Variants in EIF4EBP2 observed in about 807,000 individuals in gnomAD.
The protein encoded by EIF4EBP2 is eukaryotic translation initiation factor 4E-binding protein 2.
EIF4EBP2 carries 5 observed loss-of-function variants against 10.3 expected under a neutral mutation model. The observed-to-expected ratio is 0.48, with a 90% confidence interval of 0.25 to 1.02. The LOEUF is 1.02. EIF4EBP2 is among the 50% of genes least tolerant of loss of function. The pLI is 0.15. For missense variants in EIF4EBP2, 188 were observed against 162.2 expected, an observed-to-expected ratio of 1.16 and a Z score of -0.86; for synonymous variants, 67 against 61.1, an observed-to-expected ratio of 1.10 and a Z score of -0.45.
In EIF4EBP2 at chr10:70,410,970, G is replaced by A. The variant is rs765357164; in HGVS notation, c.145+6424G>A. The stretch of plus-strand genomic sequence containing the variant: ...TGGTCCCTGCTGCCCTAGCAGTGTT[G>A]GTTTGTATGTATGTATTTATAAGAT... On this transcript the variant is annotated intron_variant, in intron 1 of 2. Transcript: ENST00000373218. 3.9e-5 allele frequency among the ~76,000 whole-genome samples: 6 copies of A among 152,028 alleles called. No individual in the cohort carries two copies. In the South Asian group the frequency reaches 6.2e-4, roughly 16 times the overall value.
Position 70,418,802 on chromosome 10 carries a change from C to T in EIF4EBP2, c.146-1112C>T, listed in dbSNP as rs116353615. Among the ~76,000 whole-genome samples the T allele has an allele frequency of 4.2e-3, 643 of 152,202 alleles. 5 individuals are homozygous for T. The highest frequency in any genetic ancestry group is 0.014 in the African/African-American group (590 of 41,526). On this transcript the variant is annotated intron_variant, in intron 1 of 2. Coordinates refer to ENST00000373218, the MANE Select transcript of EIF4EBP2 (RefSeq NM_004096.5). ...AGGTTGAAGGTAAGTTTCTACTTTCCTTGTCCTAAAATTATATTTGATTTA... is the reference window on the plus strand; with the variant it reads ...AGGTTGAAGGTAAGTTTCTACTTTCTTTGTCCTAAAATTATATTTGATTTA...
intron 1 of EIF4EBP2, among the ~76,000 whole-genome samples, chr10:70,409,288 A>G (rs1845016908): frequency 6.6e-6 from 1 of 152,200 alleles, no homozygotes; most frequent in African/African-American, 2.4e-5. Flanking sequence ...CAGGCCAAAA[A>G]AAAAGCTCTT....
chr10:70,427,788 G>A lies in EIF4EBP2; in HGVS notation c.*6041G>A, dbSNP rs894930885. 1 of 152,070 alleles carries A rather than the reference G, an allele frequency of 6.6e-6. No homozygotes were observed. The highest frequency in any genetic ancestry group is 2.4e-5 in the African/African-American group (1 of 41,396). 9.4% of individuals were successfully genotyped at this position (152,070 alleles called of 1,614,324 possible). On this transcript the variant is annotated 3_prime_UTR_variant, in exon 3 of 3. Transcript: ENST00000373218. ...CTCTGCCACCTTTCTAAGGGTGGGA[G>A]GCTGGCAGAGATGCTGCAATGCTTG...
At chr10:70,414,517 C>T (rs1349605436) in intron 1 of EIF4EBP2, among the ~76,000 whole-genome samples, 1 of 152,126 alleles carries the variant, frequency 6.6e-6, no homozygotes, top group East Asian at 1.9e-4. Flanking sequence ...ATTAAAAAAA[C>T]TATTAGAAAT....
Position 70,425,990 on chromosome 10 carries a change from G to C in EIF4EBP2, c.*4243G>C, listed in dbSNP as rs1159347848. The C allele has an allele frequency of 6.6e-6, 1 of 152,182 alleles. No individual in the cohort carries two copies. The highest frequency in any genetic ancestry group is 2.4e-5 in the African/African-American group (1 of 41,438). The allele number at this position is 152,182 out of a possible 1,614,324, so 9.4% of individuals were successfully genotyped here. On this transcript the variant is annotated 3_prime_UTR_variant, in exon 3 of 3. Transcript: ENST00000373218. ...GGAAGCAACCACTCAATAAAATAGA[G>C]AACATCTGAGAATTACAAATGTCTA...
chr10:70,421,625 T>G (rs1845158081), intron 2 of EIF4EBP2, 91 bp from the exon 3 acceptor site: 6 of 1,176,192 alleles, frequency 5.1e-6, no homozygotes, highest in Admixed American at 3.7e-5. Flanking sequence ...TTTGAATTAC[T>G]TTTTGTCTCT....
At chr10:70,417,701 C>T (rs989246084) in intron 1 of EIF4EBP2, among the ~76,000 whole-genome samples, 3 of 152,152 alleles carry the variant, frequency 2.0e-5, no homozygotes, top group Non-Finnish European at 4.4e-5. Flanking sequence ...TTTTTCACCA[C>T]CTCATCTCCA....
Sources: allele counts gnomAD v4.1 joint callset (sites outside exome capture counted in the v4.1 genomes callset), GRCh38; gene constraint gnomAD v4.1.1; transcripts MANE v1.5; gene names NCBI Gene and HGNC (gene_info 2026-07-23, HGNC 2026-07-21).